The following ZNF385D variants were observed in gnomAD, a reference collection of about 807,000 sequenced individuals.
ZNF385D encodes the protein zinc finger protein 385D, also known as zinc finger protein 659.
In ZNF385D, 15 loss-of-function variants were observed where a neutral mutation model predicts 35.8. That is an observed-to-expected ratio of 0.42 (90% CI 0.28 to 0.64). The LOEUF is 0.64. Ranked by LOEUF, ZNF385D falls within the 30% of genes least tolerant of loss-of-function variation. The pLI is 0.23. For missense variants in ZNF385D, 474 were observed against 494.6 expected (o/e 0.96, Z 0.39); for synonymous variants, 212 against 186.8 (o/e 1.13, Z -1.10).
At chr3:21,667,741 T>C (rs894356111) in intron 1 of ZNF385D, among the ~76,000 whole-genome samples, 20 of 152,192 alleles carry the variant, frequency 1.3e-4, no homozygotes, top group African/African-American at 4.6e-4. Context: ...AGTTAAGGAA[T>C]AGCTCAAGCT....
chr3:22,121,989 GGCTA>G (rs542704245), intron 3 of ZNF385D, among the ~76,000 whole-genome samples: 138 of 152,160 alleles, frequency 9.1e-4, no homozygotes, highest in Non-Finnish European at 1.2e-3. Context: ...AATTCAAACT[GGCTA>G]GCTAACAACC....
chr3:22,104,521 A>C (rs992171697), intron 3 of ZNF385D, among the ~76,000 whole-genome samples: 2 of 151,894 alleles, frequency 1.3e-5, no homozygotes, highest in Non-Finnish European at 2.9e-5. Flanking sequence ...TTTTACAACC[A>C]CATGATTTTG....
intron 1 of ZNF385D, among the ~76,000 whole-genome samples, chr3:21,665,280 C>A (rs1575423204): frequency 6.6e-6 from 1 of 152,118 alleles, no homozygotes; most frequent in East Asian, 1.9e-4. Context: ...TTCAAATGCC[C>A]CAACCTGTCT....
intron 3 of ZNF385D, among the ~76,000 whole-genome samples, chr3:21,965,632 G>A (rs966553248): frequency 6.6e-6 from 1 of 152,126 alleles, no homozygotes; most frequent in African/African-American, 2.4e-5. Flanking sequence ...CTGGACATGG[G>A]AGAAATAACT....
At chr3:21,446,772 C>T (rs1035497251) in intron 4 of ZNF385D, among the ~76,000 whole-genome samples, 2 of 145,172 alleles carry the variant, frequency 1.4e-5, no homozygotes, top group African/African-American at 5.1e-5. Context: ...GGATTACAAG[C>T]GTGAGCCACC....
At chr3:21,750,762 G>T in intron 1 of ZNF385D, 133 bp downstream of exon 1, 2 of 1,046,230 alleles carry the variant, frequency 1.9e-6, no homozygotes. Context: ...GCACCGGCTT[G>T]GTCCTCCAGT....
rs116562189 is a variant in ZNF385D, at chr3:22,227,187, G to A, written c.107-58152C>T. ...GTGTATATATATGTGTATGTGGGGC[G>A]GGGGGGGTGTAGGTGCTTGTCATCC... On this transcript the variant is annotated intron_variant, in intron 2 of 5. Transcript: ENST00000494108. Among the ~76,000 whole-genome samples, 256 of 144,266 alleles carry A rather than the reference G, an allele frequency of 1.8e-3. 2 individuals are homozygous for A. The highest frequency in any genetic ancestry group is 7.0e-3 in the African/African-American group (242 of 34,738). The allele number at this position is 144,266 out of a possible 152,430, so 94.6% of individuals were successfully genotyped here. A position where few individuals can be genotyped will look rare whatever the true frequency, so the allele number is the denominator to read the frequency against.
chr3:21,867,546 G>A (rs185688121), intron 3 of ZNF385D, among the ~76,000 whole-genome samples: 39 of 152,164 alleles, frequency 2.6e-4, no homozygotes, highest in East Asian at 2.5e-3. Flanking sequence ...TCAAGATTGC[G>A]TCTTGATTTA....
At chr3:21,740,411 A>T (rs552965458) in intron 1 of ZNF385D, among the ~76,000 whole-genome samples, 1 of 152,300 alleles carries the variant, frequency 6.6e-6, no homozygotes, top group African/African-American at 2.4e-5. Context: ...ATCTTCAGGT[A>T]ATTTGTACAA....
chr3:21,840,327 A>C (rs1695584349), intron 3 of ZNF385D, among the ~76,000 whole-genome samples: 1 of 152,072 alleles, frequency 6.6e-6, no homozygotes. Flanking sequence ...AACAGAATAG[A>C]GAAGAGCTGG....
intron 3 of ZNF385D, among the ~76,000 whole-genome samples, chr3:22,111,442 T>G (rs1023703231): frequency 6.6e-6 from 1 of 151,986 alleles, no homozygotes; most frequent in African/African-American, 2.4e-5. Context: ...ACCACAGGGA[T>G]TGGCAAACTA....
At chr3:21,535,380 A>G (rs2062013854) in intron 3 of ZNF385D, among the ~76,000 whole-genome samples, 1 of 151,990 alleles carries the variant, frequency 6.6e-6, no homozygotes, top group African/African-American at 2.4e-5. Context: ...GTCTTAGAAA[A>G]TACTCAGTCC....
chr3:21,950,860 T>A (rs527517), intron 3 of ZNF385D, among the ~76,000 whole-genome samples: 10 of 151,312 alleles, frequency 6.6e-5, no homozygotes, highest in South Asian at 4.2e-4. Flanking sequence ...GGTTGTAGAT[T>A]TGTGGCATTA....
At chr3:21,956,047 T>C (rs1409544386) in intron 3 of ZNF385D, among the ~76,000 whole-genome samples, 2 of 151,806 alleles carry the variant, frequency 1.3e-5, no homozygotes, top group Non-Finnish European at 2.9e-5. Context: ...ATTATCCACG[T>C]CTAGTGGCAC....
chr3:21,512,544 G>A (rs1436456553), intron 3 of ZNF385D, among the ~76,000 whole-genome samples: 1 of 152,082 alleles, frequency 6.6e-6, no homozygotes, highest in African/African-American at 2.4e-5. Context: ...ATCCTCAAAG[G>A]ACTAGGTACC....
At chr3:22,236,041 C>A (rs1298465896) in intron 2 of ZNF385D, among the ~76,000 whole-genome samples, 1 of 151,900 alleles carries the variant, frequency 6.6e-6, no homozygotes, top group East Asian at 1.9e-4. Context: ...TTGATTGTAA[C>A]AGCAAGGAAT....
intron 4 of ZNF385D, chr3:21,443,140 G>A: frequency 1.0e-6 from 1 of 985,352 alleles, no homozygotes. Context: ...AGGCTGTGGA[G>A]AAATCAAGTG....
At chr3:22,277,988 G>A (rs960861637) in intron 2 of ZNF385D, among the ~76,000 whole-genome samples, 2 of 152,126 alleles carry the variant, frequency 1.3e-5, no homozygotes, top group Non-Finnish European at 2.9e-5. Flanking sequence ...AAGTCTTTCT[G>A]ATTTCTCCTA....
intron 3 of ZNF385D, among the ~76,000 whole-genome samples, chr3:21,828,864 C>T (rs1039248431): frequency 6.6e-6 from 1 of 152,180 alleles, no homozygotes; most frequent in African/African-American, 2.4e-5. Context: ...CACCTCTGGT[C>T]CTTGGCTTAC....
Sources: gnomAD v4.1 joint callset for allele counts (sites outside exome capture counted in the v4.1 genomes callset) on GRCh38, gnomAD v4.1.1 for gene constraint, MANE v1.5 for transcripts, NCBI Gene and HGNC (gene_info 2026-07-23, HGNC 2026-07-21) for gene names.